VPS13B: variants seen among roughly 807,000 people sequenced by gnomAD.
The protein encoded by VPS13B is vacuolar protein sorting 13 homolog B, also known as intermembrane lipid transfer protein VPS13B.
Under a neutral mutation model 426.4 loss-of-function variants are expected in VPS13B, and 285 were observed. The observed-to-expected ratio is 0.67, with a 90% CI of 0.61 to 0.74. VPS13B has a LOEUF of 0.74. Ranked by LOEUF, VPS13B falls within the 30% of genes least tolerant of loss-of-function variation. The pLI, the probability that VPS13B is intolerant of heterozygous loss-of-function variation, is 0.00. For synonymous variants in VPS13B, 1,676 were observed against 1,676.4 expected (o/e 1.00, Z 0.01); for missense variants, 4,537 against 4,782.6 (o/e 0.95, Z 1.51).
At chr8:99,697,524 T>C (rs947280951) in intron 35 of VPS13B, 4 of 731,968 alleles carry the variant, frequency 5.5e-6, no homozygotes, top group Admixed American at 3.8e-5. Flanking sequence ...AAGGAGGAGC[T>C]GGAGCTGCTG....
intron 40 of VPS13B, among the ~76,000 whole-genome samples, chr8:99,770,910 C>T (rs1176565276): frequency 6.6e-6 from 1 of 152,182 alleles, no homozygotes; most frequent in Non-Finnish European, 1.5e-5. Flanking sequence ...AGCTTCTTAC[C>T]AGGTGACTAA....
intron 17 of VPS13B, among the ~76,000 whole-genome samples, chr8:99,213,569 A>G (rs1393318153): frequency 6.6e-6 from 1 of 152,176 alleles, no homozygotes; most frequent in African/African-American, 2.4e-5. Flanking sequence ...GATAGTCCAT[A>G]CATACTTTTC....
chr8:99,627,173 GA>G (rs1228996090), intron 33 of VPS13B, among the ~76,000 whole-genome samples: 1 of 152,048 alleles, frequency 6.6e-6, no homozygotes, highest in Non-Finnish European at 1.5e-5. Flanking sequence ...AGATAGACAA[GA>G]GGCATAAGTT....
In VPS13B at chr8:99,233,282, G is replaced by T; in HGVS notation, c.2515+40225G>T. 3 of 1,147,260 alleles carry T rather than the reference G, an allele frequency of 2.6e-6. No homozygotes were observed. The South Asian group carries it at 3.7e-5, about 14-fold the overall frequency. The allele number at this position is 1,147,260 out of a possible 1,614,324, so 71.1% of individuals were successfully genotyped here. Reference sequence around the variant, plus strand: ...GTCTTGCCACCTTTGCCAATCACCCGGCCAGCTGTGGAAGAGAGCACTCTG... The same window carrying T: ...GTCTTGCCACCTTTGCCAATCACCCTGCCAGCTGTGGAAGAGAGCACTCTG... On this transcript the variant is annotated intron_variant, in intron 17 of 61. Transcript: ENST00000357162.
chr8:99,295,877 A>T (rs938311181), intron 19 of VPS13B, among the ~76,000 whole-genome samples: 20 of 152,118 alleles, frequency 1.3e-4, no homozygotes, highest in Admixed American at 4.6e-4. Context: ...GAATAAATTT[A>T]AAAAAATTAG....
chr8:99,840,666 G>A (rs1287468290), intron 54 of VPS13B, among the ~76,000 whole-genome samples: 1 of 152,120 alleles, frequency 6.6e-6, no homozygotes, highest in Non-Finnish European at 1.5e-5. Flanking sequence ...TACAGTATAA[G>A]ATATTATCTA....
At chr8:99,095,826 T>C (rs536240684) in intron 3 of VPS13B, among the ~76,000 whole-genome samples, 29 of 152,196 alleles carry the variant, frequency 1.9e-4, no homozygotes, top group Non-Finnish European at 3.5e-4. Flanking sequence ...ATACATTGTT[T>C]AGTATACATT....
chr8:99,271,193 CTAACTA>C (rs1563638992), intron 17 of VPS13B, among the ~76,000 whole-genome samples: 1 of 136,086 alleles, frequency 7.3e-6, no homozygotes, highest in Non-Finnish European at 1.6e-5. Context: ...GCTGCTACCA[CTAACTA>C]CTACTACTAC....
intron 19 of VPS13B, among the ~76,000 whole-genome samples, chr8:99,321,684 G>A (rs1046887377): frequency 3.3e-5 from 5 of 152,108 alleles, no homozygotes; most frequent in Admixed American, 3.3e-4. Flanking sequence ...GGCTGAGAAG[G>A]TGAATTTTAA....
intron 19 of VPS13B, among the ~76,000 whole-genome samples, chr8:99,376,665 C>T (rs1813504574): frequency 6.6e-6 from 1 of 152,026 alleles, no homozygotes; most frequent in Non-Finnish European, 1.5e-5. Flanking sequence ...ATTCATTGAA[C>T]ACATTTAGTT....
chr8:99,544,716 T>C (rs72674644), intron 30 of VPS13B, among the ~76,000 whole-genome samples: 39,769 of 151,798 alleles, frequency 0.26, 5,894 homozygotes, highest in East Asian at 0.44. Flanking sequence ...ACAATAAACC[T>C]TTACAAGCAT....
At chr8:99,596,215 ATCATGTTTTGGGTTACATAGC>A (rs893290327) in intron 33 of VPS13B, among the ~76,000 whole-genome samples, 1 of 151,834 alleles carries the variant, frequency 6.6e-6, no homozygotes, top group Non-Finnish European at 1.5e-5. Flanking sequence ...AACAGAAACT[ATCATGTTTTGGGTTACATAGC>A]TCCCCAACTG....
chr8:99,089,302 A>G (rs571755773), intron 3 of VPS13B, among the ~76,000 whole-genome samples: 1 of 152,168 alleles, frequency 6.6e-6, no homozygotes, highest in Admixed American at 6.5e-5. Flanking sequence ...TTTTTCATCC[A>G]TCCCTGCCTT....
chr8:99,144,508 C>A (rs951902616), intron 13 of VPS13B, among the ~76,000 whole-genome samples: 2 of 147,200 alleles, frequency 1.4e-5, no homozygotes, highest in East Asian at 3.9e-4. Flanking sequence ...AAAAAAAAAG[C>A]TGCTGTTTTT....
At chr8:99,748,452 A>G (rs939985277) in intron 39 of VPS13B, among the ~76,000 whole-genome samples, 2 of 152,052 alleles carry the variant, frequency 1.3e-5, no homozygotes, top group Non-Finnish European at 2.9e-5. Context: ...GAACAGATGT[A>G]TGGTTTGATA....
intron 23 of VPS13B, among the ~76,000 whole-genome samples, chr8:99,447,506 GACTTA>G (rs1817981412): frequency 6.6e-6 from 1 of 152,124 alleles, no homozygotes; most frequent in Non-Finnish European, 1.5e-5. Flanking sequence ...TCTTCAGTCA[GACTTA>G]ACTTGACTTC....
intron 33 of VPS13B, among the ~76,000 whole-genome samples, chr8:99,620,857 T>C (rs1427661676): frequency 6.6e-6 from 1 of 151,406 alleles, no homozygotes; most frequent in Non-Finnish European, 1.5e-5. Context: ...TGTGGTGGTA[T>C]GCACCTGTAA....
chr8:99,760,674 G>T (rs1374526453), intron 39 of VPS13B, among the ~76,000 whole-genome samples: 2 of 152,064 alleles, frequency 1.3e-5, no homozygotes, highest in African/African-American at 2.4e-5. Flanking sequence ...TTGTTTTTAG[G>T]TTTTATTTCG....
chr8:99,015,625 C>T lies in VPS13B; in HGVS notation c.147+1690C>T, dbSNP rs1005593043. Among the ~76,000 whole-genome samples the T allele has an allele frequency of 6.6e-5, 10 of 151,782 alleles. 1 individual carries two copies. The highest frequency in any genetic ancestry group is 2.1e-4 in the South Asian group (1 of 4,806). On this transcript the variant is annotated intron_variant, in intron 2 of 61. Transcript: ENST00000357162. ...ACCTGTTTTTGTAAGTACTCCAGGCCGGGCACGGTGGTTCACGCCTGTAAC... is the reference window on the plus strand; with the variant it reads ...ACCTGTTTTTGTAAGTACTCCAGGCTGGGCACGGTGGTTCACGCCTGTAAC...
Sources: gnomAD v4.1 joint callset for allele counts (sites outside exome capture counted in the v4.1 genomes callset) on GRCh38, gnomAD v4.1.1 for gene constraint, MANE v1.5 for transcripts, NCBI Gene and HGNC (gene_info 2026-07-23, HGNC 2026-07-21) for gene names.